SKOR2: variants seen among roughly 807,000 people sequenced by gnomAD.
SKOR2 encodes the protein SKI family transcriptional corepressor 2, also known as LBX1 corepressor 1-like protein.
In SKOR2, 47 loss-of-function variants were observed where a neutral mutation model predicts 69.1. The ratio of observed to expected loss-of-function variants is 0.68; its 90% confidence interval spans 0.54 to 0.87. The LOEUF (loss-of-function observed/expected upper bound fraction) is 0.87, where lower values mean the gene tolerates loss of function less well. SKOR2 is among the 40% of genes least tolerant of loss of function. The probability of loss-of-function intolerance (pLI) is 0.00; values close to 1 mark genes in which losing one functional copy is unlikely to be tolerated. For synonymous variants in SKOR2, 717 were observed against 672.6 expected (o/e 1.07, Z -1.02); for missense variants, 1,404 against 1,472.2 (o/e 0.95, Z 0.76).
rs1322147555 is a variant in SKOR2 at position 47,206,525 on chromosome 18, G to C, written c.*371C>G. 3 of 152,126 alleles carry C rather than the reference G, an allele frequency of 2.0e-5. No individual in the cohort carries two copies. The highest frequency in any genetic ancestry group is 4.4e-5 in the Non-Finnish European group (3 of 68,056). The allele number at this position is 152,126 out of a possible 1,614,324, so 9.4% of individuals were successfully genotyped here. ...TTTTGTAGAGTTGCTTTCTCCATGT[G>C]TGCAGGACTGAGACTGCCTGGGACC... On this transcript the variant is annotated 3_prime_UTR_variant, in exon 9 of 9. Transcript: ENST00000425639.
intron 3 of SKOR2, among the ~76,000 whole-genome samples, chr18:47,245,289 G>C (rs1393086682): frequency 6.6e-6 from 1 of 152,044 alleles, no homozygotes; most frequent in Non-Finnish European, 1.5e-5. Flanking sequence ...TGTTATTTGG[G>C]AAACTGTCAT....
rs749927700 is a variant in SKOR2 at position 47,248,674 on chromosome 18, C to G, written c.510G>C (p.Lys170Asn). 1 of 1,567,114 alleles carries G rather than the reference C, an allele frequency of 6.4e-7. No individual in the cohort carries two copies. Residue 170 changes from lysine (K) to asparagine (N), a missense_variant, in exon 2 of 9, where the codon AAG becomes AAC. By Grantham distance (94) the Lys-to-Asn change is moderately conservative. This residue lies in a region of SKOR2 where 1,266 missense variants were observed against 1,309.9 expected (regional missense o/e 0.97). Coordinates refer to ENST00000425639, the MANE Select transcript of SKOR2 (RefSeq NM_001278063.4). The surrounding 1 kb of genome is among the most constrained non-coding windows in gnomAD (Gnocchi z 6.4). ...IPARYNSSRA[K>N]CIKCSYCNMY... ...TGTTGCAGTAGCTGCATTTGATGCA[C>G]TTGGCGCGCGAGCTGTTGTAGCGCG...
At chr18:47,218,754 G>T (rs1187519399) in intron 7 of SKOR2, among the ~76,000 whole-genome samples, 1 of 152,102 alleles carries the variant, frequency 6.6e-6, no homozygotes, top group South Asian at 2.1e-4. Context: ...TATTATCAAG[G>T]AATCAAAAGC....
intron 3 of SKOR2, 52 bp from the exon 4 acceptor site, chr18:47,245,034 C>G: frequency 6.8e-7 from 1 of 1,470,184 alleles, no homozygotes; most frequent in Non-Finnish European, 9.1e-7. Context: ...TGACAAGAGG[C>G]ACACAAAGAT....
At position 47,248,388 on chromosome 18, in the gene SKOR2, C is replaced by A. The variant is rs993823534; in HGVS notation, c.796G>T (p.Ala266Ser). 2 of 1,250,570 alleles carry A rather than the reference C, an allele frequency of 1.6e-6. No individual in the cohort carries two copies. Among genetic ancestry groups the A allele is most frequent in the South Asian group, 2.3e-5 (1 of 43,060 alleles). 77.5% of individuals were successfully genotyped at this position (1,250,570 alleles called of 1,614,324 possible). The change falls in exon 2 of 9, where the codon GCC becomes TCC. Residue 266 changes from alanine (A) to serine (S), a missense_variant. This residue lies in a region of SKOR2 where 1,266 missense variants were observed against 1,309.9 expected (regional missense o/e 0.97). Coordinates refer to ENST00000425639, the MANE Select transcript of SKOR2 (RefSeq NM_001278063.4). The surrounding 1 kb of genome is among the most constrained non-coding windows in gnomAD (Gnocchi z 6.4). ...CCGCCTCCGGCCACCGCGGCCGCGG[C>A]GGCCACGGCGGCCGCCTTCACAGAG... ...LSSVKAAAVA[A>S]AAAVAGGGGL...
rs573023928 is a variant in SKOR2, at chr18:47,227,357, A to T, written c.2917+3102T>A. On this transcript the variant is annotated intron_variant, in intron 6 of 8. Coordinates refer to ENST00000425639, the MANE Select transcript of SKOR2 (RefSeq NM_001278063.4). ...TTTTTTTTTTTTTTTTTTTTTTTGG[A>T]GACGGAGTCTCCCTGTGTTGTCCAG... is the stretch of plus-strand genomic sequence containing the variant. Among the ~76,000 whole-genome samples, 12 of 75,650 alleles carry T rather than the reference A, an allele frequency of 1.6e-4. No individual in the cohort carries two copies. In the South Asian group the frequency reaches 3.2e-3, roughly 20 times the overall value. The allele number at this position is 75,650 out of a possible 152,430, so 49.6% of individuals were successfully genotyped here.
chr18:47,230,333 G>T, intron 6 of SKOR2, 126 bp downstream of exon 6: 1 of 554,286 alleles, frequency 1.8e-6, no homozygotes, highest in Non-Finnish European at 2.8e-6. Flanking sequence ...TGAATATTTA[G>T]GCAGACCATG....
In SKOR2 at chr18:47,245,022, A is replaced by G. The variant is rs930702097; in HGVS notation, c.2678-40T>C. On this transcript the variant is annotated intron_variant, in intron 3 of 8. Transcript: ENST00000425639. The stretch of plus-strand genomic sequence containing the variant: ...AAACACAAAATCTGCAAGTGATCCA[A>G]CTGACAAGAGGCACACAAAGATCCA... 3.0e-5 allele frequency: 46 copies of G among 1,510,914 alleles called. No homozygotes were observed. In the Admixed American group the frequency reaches 6.1e-4, roughly 20 times the overall value. The allele number at this position is 1,510,914 out of a possible 1,614,324, so 93.6% of individuals were successfully genotyped here.
At chr18:47,245,631 C>A in intron 2 of SKOR2, 70 bp from the exon 3 acceptor site, 2 of 1,373,276 alleles carry the variant, frequency 1.5e-6, no homozygotes, top group Non-Finnish European at 1.9e-6. Context: ...CAACAGTCAG[C>A]AGGAAGAAGC....
At chr18:47,209,627 T>C (rs539813113) in intron 8 of SKOR2, among the ~76,000 whole-genome samples, 4 of 152,258 alleles carry the variant, frequency 2.6e-5, no homozygotes, top group African/African-American at 9.6e-5. Context: ...CACAAATCAA[T>C]CTTTTTTTTT....
chr18:47,233,680 T>C (rs1359014179), intron 4 of SKOR2, among the ~76,000 whole-genome samples: 1 of 152,244 alleles, frequency 6.6e-6, no homozygotes, highest in Non-Finnish European at 1.5e-5. Context: ...CTAGAAACCA[T>C]AGTCTTATCA....
intron 4 of SKOR2, among the ~76,000 whole-genome samples, chr18:47,240,995 G>C (rs1225315450): frequency 6.6e-6 from 1 of 152,078 alleles, no homozygotes; most frequent in African/African-American, 2.4e-5. Flanking sequence ...ACATTGGATT[G>C]GCTAAAGGGA....
At chr18:47,219,292 A>G (rs758286142) in intron 7 of SKOR2, among the ~76,000 whole-genome samples, 2 of 152,198 alleles carry the variant, frequency 1.3e-5, no homozygotes, top group Admixed American at 6.5e-5. Flanking sequence ...AAAAGCCCTA[A>G]TGAATAGTAC....
chr18:47,244,885 CCT>C lies in SKOR2; in HGVS notation c.2752+21_2752+22del, dbSNP rs1345447463. 6.0e-5 allele frequency: 92 copies of C among 1,530,582 alleles called. No homozygotes were observed. The East Asian group carries it at 2.2e-3, about 36-fold the overall frequency. 94.8% of individuals were successfully genotyped at this position (1,530,582 alleles called of 1,614,324 possible). A position where few individuals can be genotyped will look rare whatever the true frequency, so the allele number is the denominator to read the frequency against. On this transcript the variant is annotated intron_variant, in intron 4 of 8. Coordinates refer to ENST00000425639, the MANE Select transcript of SKOR2 (RefSeq NM_001278063.4). The stretch of plus-strand genomic sequence containing the variant: ...TCTCCCTGTCATCTGACTATTCATT[CCT>C]CTTATTTGTTCCCAGCCTACCTGAT...
intron 7 of SKOR2, among the ~76,000 whole-genome samples, chr18:47,214,433 T>C (rs541495949): frequency 3.3e-5 from 5 of 152,282 alleles, no homozygotes; most frequent in Admixed American, 1.3e-4. Flanking sequence ...TGTTGATTTT[T>C]TCATTTATTT....
At chr18:47,221,419 G>A (rs1404124324) in intron 6 of SKOR2, among the ~76,000 whole-genome samples, 2 of 152,162 alleles carry the variant, frequency 1.3e-5, no homozygotes, top group African/African-American at 4.8e-5. Context: ...GACATGGAAG[G>A]AGGAGAGGGG....
chr18:47,236,138 T>C (rs747537973), intron 4 of SKOR2, among the ~76,000 whole-genome samples: 2 of 152,154 alleles, frequency 1.3e-5, no homozygotes, highest in Non-Finnish European at 2.9e-5. Context: ...GTGCACACCA[T>C]CATGTCTGGC....
Position 47,248,404 on chromosome 18 carries a change from C to T in SKOR2, c.780G>A (p.Lys260=). 6.9e-7 allele frequency: 1 copy of T among 1,458,222 alleles called. No individual in the cohort carries two copies. Among genetic ancestry groups the T allele is most frequent in the Non-Finnish European group, 9.0e-7 (1 of 1,114,562 alleles). 90.3% of individuals were successfully genotyped at this position (1,458,222 alleles called of 1,614,324 possible). The change falls in exon 2 of 9, where the codon AAG becomes AAA. Residue 260 remains lysine (K), a synonymous_variant. Coordinates refer to ENST00000425639, the MANE Select transcript of SKOR2 (RefSeq NM_001278063.4). This position sits in a 1 kb window ranked among gnomAD's most constrained non-coding sequence, Gnocchi z 6.4. ...CGGCCGCGGCGGCCACGGCGGCCGC[C>T]TTCACAGAGCTGAGCGGGTGGCAGG... ...HPACHPLSSV[K]AAAVAAAAAV...
chr18:47,247,342 G>T lies in SKOR2; in HGVS notation c.1842C>A (p.Gly614=), dbSNP rs1286268922. The change falls in exon 2 of 9, where the codon GGC becomes GGA. Residue 614 remains glycine, a synonymous_variant. Transcript: ENST00000425639. This position sits in a 1 kb window ranked among gnomAD's most constrained non-coding sequence, Gnocchi z 6.6. ...HPHLLEGRKA[G]GGSYHHSSAF... ...CGCTGGAATGGTGGTAGCTGCCACC[G>T]CCCGCTTTGCGCCCCTCCAGAAGGT... 9 of 1,473,150 alleles carry T rather than the reference G, an allele frequency of 6.1e-6. No homozygotes were observed. In the South Asian group the frequency reaches 1.0e-4, roughly 17 times the overall value. The allele number at this position is 1,473,150 out of a possible 1,614,324, so 91.3% of individuals were successfully genotyped here.
Sources: allele counts gnomAD v4.1 joint callset (sites outside exome capture counted in the v4.1 genomes callset), GRCh38; gene constraint gnomAD v4.1.1; regional missense constraint gnomAD v4.1.1; non-coding constraint Gnocchi (gnomAD v3.1); transcripts MANE v1.5; gene names NCBI Gene and HGNC (gene_info 2026-07-23, HGNC 2026-07-21).